ARB2A: variants seen among roughly 807,000 people sequenced by gnomAD.
ARB2A encodes the protein ARB2 cotranscriptional regulator A, also known as cotranscriptional regulator ARB2A.
At chr5:94,054,422 C>A in the ARB2A span, among the ~76,000 whole-genome samples, 1 of 151,968 alleles carries the variant, frequency 6.6e-6, no homozygotes, top group Admixed American at 6.6e-5. Context: ...TATAGAATGA[C>A]CCTCAATTTG....
the ARB2A span, among the ~76,000 whole-genome samples, chr5:93,682,515 T>A: frequency 1.3e-5 from 2 of 152,028 alleles, no homozygotes; most frequent in Admixed American, 6.6e-5. Flanking sequence ...TTTTTTTTTT[T>A]TTTTACTTTA....
At chr5:94,083,866 A>T in the ARB2A span, among the ~76,000 whole-genome samples, 10 of 152,180 alleles carry the variant, frequency 6.6e-5, no homozygotes, top group Admixed American at 5.9e-4. Context: ...AGGAATAAAA[A>T]GAGAATTCAA....
chr5:93,773,745 A>C, the ARB2A span, among the ~76,000 whole-genome samples: 1 of 152,074 alleles, frequency 6.6e-6, no homozygotes, highest in Admixed American at 6.6e-5. Flanking sequence ...AAACTTTTCC[A>C]TGATTACCAT....
chr5:93,985,142 T>A, the ARB2A span, among the ~76,000 whole-genome samples: 1 of 152,124 alleles, frequency 6.6e-6, no homozygotes, highest in Non-Finnish European at 1.5e-5. Context: ...CACAGTGTAG[T>A]CTTATTATCC....
the ARB2A span, among the ~76,000 whole-genome samples, chr5:93,889,767 A>G: frequency 6.6e-5 from 10 of 151,884 alleles, no homozygotes; most frequent in African/African-American, 1.2e-4. Flanking sequence ...ACATATAAAA[A>G]TTCAAAATGG....
chr5:93,736,092 G>A, the ARB2A span: 2 of 152,050 alleles, frequency 1.3e-5, no homozygotes, highest in Non-Finnish European at 2.9e-5. Flanking sequence ...GCCGTATTTT[G>A]GGCATTGTCA....
chr5:93,997,363 A>G, the ARB2A span, among the ~76,000 whole-genome samples: 2 of 152,058 alleles, frequency 1.3e-5, no homozygotes, highest in Middle Eastern at 3.2e-3. Flanking sequence ...TGTTCTAAGA[A>G]CTGGATGAAA....
the ARB2A span, among the ~76,000 whole-genome samples, chr5:93,715,731 C>T: frequency 8.6e-3 from 1,294 of 150,552 alleles, 21 homozygotes; most frequent in African/African-American, 0.03. Flanking sequence ...AAATTTGGCA[C>T]GCAATTTCCT....
the ARB2A span, among the ~76,000 whole-genome samples, chr5:93,839,603 G>C: frequency 4.9e-4 from 75 of 151,996 alleles, no homozygotes; most frequent in African/African-American, 1.6e-3. Flanking sequence ...AGTGGTAGCA[G>C]CTCTTCTTTA....
the ARB2A span, among the ~76,000 whole-genome samples, chr5:93,647,897 C>T: frequency 6.6e-6 from 1 of 152,108 alleles, no homozygotes; most frequent in African/African-American, 2.4e-5. Context: ...AATCCCAGCA[C>T]TTTGGGTGGC....
chr5:94,087,008 G>A, the ARB2A span, among the ~76,000 whole-genome samples: 3 of 152,154 alleles, frequency 2.0e-5, no homozygotes, highest in Non-Finnish European at 2.9e-5. Context: ...CTCCATATGC[G>A]TTGCTGGCCT....
chr5:93,780,139 C>T, the ARB2A span, among the ~76,000 whole-genome samples: 5 of 152,086 alleles, frequency 3.3e-5, no homozygotes, highest in Admixed American at 3.3e-4. Flanking sequence ...ATCGCCATTG[C>T]TTTAAAGGCT....
the ARB2A span, among the ~76,000 whole-genome samples, chr5:93,965,629 C>T: frequency 6.6e-6 from 1 of 151,972 alleles, no homozygotes; most frequent in Non-Finnish European, 1.5e-5. Flanking sequence ...ATAGATGGTA[C>T]TAATGGTCAT....
the ARB2A span, among the ~76,000 whole-genome samples, chr5:93,941,407 GAA>G: frequency 6.6e-6 from 1 of 151,988 alleles, no homozygotes; most frequent in Non-Finnish European, 1.5e-5. Context: ...AAGCAGATTT[GAA>G]AAAGACATCA....
the ARB2A span, among the ~76,000 whole-genome samples, chr5:94,069,047 T>TAGATAGAC: frequency 6.8e-6 from 1 of 147,172 alleles, no homozygotes; most frequent in African/African-American, 2.5e-5. Flanking sequence ...AAAAGATAGA[T>TAGATAGAC]AGATAGATAG....
At chr5:93,935,228 T>A in the ARB2A span, among the ~76,000 whole-genome samples, 1 of 152,110 alleles carries the variant, frequency 6.6e-6, no homozygotes, top group South Asian at 2.1e-4. Context: ...CAAAAACCTA[T>A]TAAAACGATA....
At chr5:93,647,101 T>C in the ARB2A span, among the ~76,000 whole-genome samples, 7 of 152,214 alleles carry the variant, frequency 4.6e-5, no homozygotes, top group South Asian at 6.2e-4. Flanking sequence ...AGTATAGTTA[T>C]CAAATTCAGA....
the ARB2A span, among the ~76,000 whole-genome samples, chr5:93,842,245 C>T: frequency 6.6e-6 from 1 of 152,122 alleles, no homozygotes; most frequent in African/African-American, 2.4e-5. Context: ...CTGCAAGCTG[C>T]CTGCCTGTTT....
At chr5:93,874,836 A>G in the ARB2A span, among the ~76,000 whole-genome samples, 1 of 152,154 alleles carries the variant, frequency 6.6e-6, no homozygotes, top group Non-Finnish European at 1.5e-5. Flanking sequence ...ATCAGAGAAA[A>G]CACCCCAGAA....
Sources: gnomAD v4.1 joint callset for allele counts (sites outside exome capture counted in the v4.1 genomes callset) on GRCh38, gnomAD v4.1.1 for gene constraint, MANE v1.5 for transcripts, NCBI Gene and HGNC (gene_info 2026-07-23, HGNC 2026-07-21) for gene names.